Variants in TNR observed in about 807,000 individuals in gnomAD.
TNR encodes tenascin-R.
Under a neutral mutation model 150.4 loss-of-function variants are expected in TNR, and 45 were observed. The observed-to-expected ratio is 0.30, with a 90% CI of 0.24 to 0.38. The LOEUF (loss-of-function observed/expected upper bound fraction) is 0.38, where lower values mean the gene tolerates loss of function less well. Ranked by LOEUF, TNR falls within the 10% of genes least tolerant of loss-of-function variation. The probability of loss-of-function intolerance (pLI) is 1.00; values close to 1 mark genes in which losing one functional copy is unlikely to be tolerated. For missense variants in TNR, 1,544 were observed against 1,759.1 expected, an observed-to-expected ratio of 0.88 and a Z score of 2.19; for synonymous variants, 687 against 678.4, an observed-to-expected ratio of 1.01 and a Z score of -0.20.
At chr1:175,343,400 G>T (rs1476804065) in intron 18 of TNR, among the ~76,000 whole-genome samples, 1 of 152,148 alleles carries the variant, frequency 6.6e-6, no homozygotes, top group African/African-American at 2.4e-5. Flanking sequence ...TGGCTCACAG[G>T]TCTCAGGTAA....
intron 2 of TNR, among the ~76,000 whole-genome samples, chr1:175,489,378 C>T (rs1034356277): frequency 5.3e-5 from 8 of 152,172 alleles, no homozygotes; most frequent in Non-Finnish European, 8.8e-5. Flanking sequence ...CTGCCATCCT[C>T]GATGGGGAAA....
At chr1:175,643,190 A>G (rs1664717122) in intron 1 of TNR, among the ~76,000 whole-genome samples, 1 of 152,172 alleles carries the variant, frequency 6.6e-6, no homozygotes, top group South Asian at 2.1e-4. Context: ...CTTTTCAGAT[A>G]ATGTTGGTCC....
At chr1:175,735,243 G>A (rs775103699) in intron 1 of TNR, among the ~76,000 whole-genome samples, 7 of 152,078 alleles carry the variant, frequency 4.6e-5, no homozygotes, top group African/African-American at 1.4e-4. Context: ...CAGCCCTGGC[G>A]CTGCCCTCTC....
intron 2 of TNR, among the ~76,000 whole-genome samples, chr1:175,520,192 T>C (rs973617368): frequency 1.3e-5 from 2 of 152,178 alleles, no homozygotes; most frequent in Non-Finnish European, 2.9e-5. Flanking sequence ...AGAATGAGGG[T>C]TGAGGTAGAC....
At chr1:175,454,204 G>T (rs559243004) in intron 2 of TNR, among the ~76,000 whole-genome samples, 4 of 152,214 alleles carry the variant, frequency 2.6e-5, no homozygotes, top group South Asian at 4.2e-4. Context: ...TGTCTTCCAC[G>T]CTTCTTGCCA....
intron 2 of TNR, among the ~76,000 whole-genome samples, chr1:175,452,219 T>TCCCA (rs904302105): frequency 6.6e-6 from 1 of 152,224 alleles, no homozygotes; most frequent in African/African-American, 2.4e-5. Context: ...ACTTAAGGAA[T>TCCCA]CCCACAAGCA....
intron 5 of TNR, among the ~76,000 whole-genome samples, chr1:175,396,060 C>T (rs1247409066): frequency 6.6e-6 from 1 of 152,178 alleles, no homozygotes; most frequent in Admixed American, 6.5e-5. Flanking sequence ...GGAAATTATG[C>T]CACCTCTCTA....
chr1:175,538,041 G>T (rs978560818), intron 1 of TNR, among the ~76,000 whole-genome samples: 1 of 152,208 alleles, frequency 6.6e-6, no homozygotes, highest in Non-Finnish European at 1.5e-5. Flanking sequence ...TAAGAAACCT[G>T]AGCAAGGGCA....
At chr1:175,683,780 T>C (rs185648935) in intron 1 of TNR, among the ~76,000 whole-genome samples, 4 of 152,292 alleles carry the variant, frequency 2.6e-5, no homozygotes, top group Admixed American at 1.3e-4. Context: ...GGAGATCAGC[T>C]TCCAACAGTG....
At chr1:175,657,235 A>G (rs146988128) in intron 1 of TNR, among the ~76,000 whole-genome samples, 522 of 152,296 alleles carry the variant, frequency 3.4e-3, no homozygotes, top group African/African-American at 0.012. Flanking sequence ...ATCTCAAACC[A>G]GTTAGAATGG....
intron 2 of TNR, among the ~76,000 whole-genome samples, chr1:175,433,377 T>C (rs1013948533): frequency 6.6e-6 from 1 of 152,160 alleles, no homozygotes; most frequent in Admixed American, 6.5e-5. Context: ...GCTTTGAGGG[T>C]GACCTGGGCA....
At chr1:175,540,747 G>A (rs60300714) in intron 1 of TNR, among the ~76,000 whole-genome samples, 9,488 of 151,844 alleles carry the variant, frequency 0.062, 459 homozygotes, top group African/African-American at 0.13. Context: ...TGTTATCTCC[G>A]GACTGGTTCA....
chr1:175,354,364 G>A, intron 18 of TNR, 27 bp downstream of exon 18: 2 of 1,610,564 alleles, frequency 1.2e-6, no homozygotes, highest in South Asian at 1.1e-5. Flanking sequence ...TGGAGAAGAA[G>A]GCATCAAAGT....
chr1:175,619,764 T>C (rs553251501), intron 1 of TNR, among the ~76,000 whole-genome samples: 8 of 152,238 alleles, frequency 5.3e-5, no homozygotes, highest in Non-Finnish European at 7.4e-5. Flanking sequence ...GCTCAGGAAA[T>C]TGGTAGTAAT....
At position 175,355,556 on chromosome 1, in the gene TNR, C is replaced by T; in HGVS notation, c.3196G>A (p.Ala1066Thr). The T allele has an allele frequency of 1.2e-6, 2 of 1,614,130 alleles. No individual in the cohort carries two copies. Among genetic ancestry groups the T allele is most frequent in the Non-Finnish European group, 1.7e-6 (2 of 1,179,950 alleles). The change falls in exon 17 of 23, where the codon GCA becomes ACA. Residue 1066 changes from alanine (A) to threonine (T), a missense_variant. Physicochemically the swap from Ala to Thr is moderately conservative, Grantham distance 58. Transcript: ENST00000367674. Reference protein sequence around the residue: ...SALISWQPPRAEIENYVLTYK... With the variant: ...SALISWQPPRTEIENYVLTYK... ...GTCAAGACATAATTTTCAATCTCTG[C>T]CCTGGGAGGCTGCCAGGAGATCAGG... is the stretch of plus-strand genomic sequence containing the variant.
At chr1:175,717,675 C>T (rs184757043) in intron 1 of TNR, among the ~76,000 whole-genome samples, 1 of 152,298 alleles carries the variant, frequency 6.6e-6, no homozygotes, top group East Asian at 1.9e-4. Flanking sequence ...CCAGTGCTTC[C>T]TACAGTGGAG....
intron 1 of TNR, among the ~76,000 whole-genome samples, chr1:175,684,564 G>A (rs1666131177): frequency 6.6e-6 from 1 of 152,160 alleles, no homozygotes; most frequent in South Asian, 2.1e-4. Context: ...GGGTGACAAA[G>A]GCTAGGACTG....
chr1:175,717,577 T>A (rs1667188525), intron 1 of TNR, among the ~76,000 whole-genome samples: 1 of 152,232 alleles, frequency 6.6e-6, no homozygotes, highest in Non-Finnish European at 1.5e-5. Flanking sequence ...TATATCTATA[T>A]TTTTATCTTA....
intron 1 of TNR, chr1:175,539,195 A>G (rs1660404902): frequency 6.6e-6 from 1 of 152,256 alleles, no homozygotes; most frequent in Admixed American, 6.5e-5. Flanking sequence ...ACAGTTCCCC[A>G]GGAAAAGAAA....
Sources: gnomAD v4.1 joint callset for allele counts (sites outside exome capture counted in the v4.1 genomes callset) on GRCh38, gnomAD v4.1.1 for gene constraint, MANE v1.5 for transcripts, NCBI Gene and HGNC (gene_info 2026-07-23, HGNC 2026-07-21) for gene names.